PDE1A: variants seen among roughly 807,000 people sequenced by gnomAD.
The protein encoded by PDE1A is dual specificity calcium/calmodulin-dependent 3',5'-cyclic nucleotide phosphodiesterase 1A.
In PDE1A, 35 loss-of-function variants were observed where a neutral mutation model predicts 61.7. That is an observed-to-expected ratio of 0.57 (90% CI 0.43 to 0.75). PDE1A has a LOEUF of 0.75. PDE1A is among the 30% of genes least tolerant of loss of function. PDE1A has a pLI of 0.00. For synonymous variants in PDE1A, 232 were observed against 213.2 expected (o/e 1.09, Z -0.77); for missense variants, 597 against 630.6 (o/e 0.95, Z 0.57).
intron 2 of PDE1A, among the ~76,000 whole-genome samples, chr2:182,483,630 G>A (rs1265162951): frequency 6.6e-6 from 1 of 151,790 alleles, no homozygotes; most frequent in Non-Finnish European, 1.5e-5. Flanking sequence ...CAATGTATGA[G>A]ATATACCTAA....
chr2:182,424,030 C>T (rs957174771), intron 1 of PDE1A, among the ~76,000 whole-genome samples: 10 of 151,158 alleles, frequency 6.6e-5, no homozygotes, highest in African/African-American at 2.4e-4. Flanking sequence ...CTGCGACCTC[C>T]GCCTCCAGAG....
At chr2:182,686,552 G>T in the PDE1A span, among the ~76,000 whole-genome samples, 4 of 152,306 alleles carry the variant, frequency 2.6e-5, no homozygotes, top group East Asian at 7.7e-4. Flanking sequence ...TTGACAGGCG[G>T]TTCCAAGATG....
At chr2:182,205,946 T>C in exon 8 of PDE1A, 1 of 1,608,026 alleles carries the variant, frequency 6.2e-7, no homozygotes. Context: ...TCACCTCCAG[T>C]CATCTTTGGA....
chr2:182,497,692 C>T (rs1232613778), intron 2 of PDE1A, among the ~76,000 whole-genome samples: 1 of 152,060 alleles, frequency 6.6e-6, no homozygotes, highest in Non-Finnish European at 1.5e-5. Context: ...AAATACATAG[C>T]TCCAAAGAAA....
At chr2:182,274,213 A>G (rs1323919721) in intron 1 of PDE1A, among the ~76,000 whole-genome samples, 1 of 152,082 alleles carries the variant, frequency 6.6e-6, no homozygotes, top group Non-Finnish European at 1.5e-5. Flanking sequence ...GAACCTATGA[A>G]TTTTGGGGTG....
chr2:182,284,759 T>C (rs1283076638), intron 1 of PDE1A, among the ~76,000 whole-genome samples: 1 of 152,158 alleles, frequency 6.6e-6, no homozygotes, highest in Non-Finnish European at 1.5e-5. Flanking sequence ...GTCATCAATA[T>C]AGGATCATGT....
the PDE1A span, among the ~76,000 whole-genome samples, chr2:182,679,191 A>ATTTTTT: frequency 3.6e-5 from 5 of 138,226 alleles, no homozygotes; most frequent in African/African-American, 1.4e-4. Context: ...TATTATTATT[A>ATTTTTT]TTTTTTTTTT....
At chr2:182,438,682 G>C (rs1346680727) in intron 2 of PDE1A, among the ~76,000 whole-genome samples, 1 of 151,870 alleles carries the variant, frequency 6.6e-6, no homozygotes, top group Non-Finnish European at 1.5e-5. Context: ...ATTCAGGAAG[G>C]TATCCTGGCA....
chr2:182,499,714 A>T (rs1315429714), intron 2 of PDE1A, among the ~76,000 whole-genome samples: 1 of 152,180 alleles, frequency 6.6e-6, no homozygotes, highest in Non-Finnish European at 1.5e-5. Context: ...CTTATGTTTG[A>T]ACCAACTAAC....
At chr2:182,382,506 A>C (rs10197295) in intron 1 of PDE1A, among the ~76,000 whole-genome samples, 87,053 of 151,942 alleles carry the variant, frequency 0.57, 25,349 homozygotes, top group East Asian at 0.88. Context: ...AAGAGCCCAG[A>C]CTAGCTAACA....
At chr2:182,195,269 CAAAT>C (rs1686044474) in intron 10 of PDE1A, among the ~76,000 whole-genome samples, 1 of 152,048 alleles carries the variant, frequency 6.6e-6, no homozygotes, top group Non-Finnish European at 1.5e-5. Flanking sequence ...AGCAGGATAA[CAAAT>C]ACCACCAATT....
chr2:182,686,774 T>G, the PDE1A span, among the ~76,000 whole-genome samples: 1 of 152,206 alleles, frequency 6.6e-6, no homozygotes. Context: ...GAATTCCCTT[T>G]CATAGCCATG....
At chr2:182,413,810 G>T (rs562389966) in intron 1 of PDE1A, among the ~76,000 whole-genome samples, 2 of 152,238 alleles carry the variant, frequency 1.3e-5, no homozygotes, top group South Asian at 4.1e-4. Context: ...GTGTGTGTCT[G>T]TGTGTTTATG....
chr2:182,402,741 A>T (rs1702076721), intron 1 of PDE1A, among the ~76,000 whole-genome samples: 1 of 152,224 alleles, frequency 6.6e-6, no homozygotes, highest in Non-Finnish European at 1.5e-5. Flanking sequence ...TGAACAGGCA[A>T]CCTACAGAAT....
the PDE1A span, among the ~76,000 whole-genome samples, chr2:182,699,418 T>G: frequency 6.6e-6 from 1 of 152,238 alleles, no homozygotes; most frequent in Admixed American, 6.5e-5. Context: ...ATCAGCTCAC[T>G]GAAGAATAAA....
the PDE1A span, among the ~76,000 whole-genome samples, chr2:182,654,253 TGTG>T: frequency 6.6e-6 from 1 of 152,220 alleles, no homozygotes; most frequent in African/African-American, 2.4e-5. Context: ...TGGTTAAGTT[TGTG>T]GTAGTCCACC....
At chr2:182,631,845 A>G in the PDE1A span, among the ~76,000 whole-genome samples, 1 of 152,340 alleles carries the variant, frequency 6.6e-6, no homozygotes, top group African/African-American at 2.4e-5. Context: ...ACATCTTGCT[A>G]TTCTCAAACA....
At chr2:182,260,683 C>T (rs749413513) in intron 2 of PDE1A, among the ~76,000 whole-genome samples, 1 of 152,122 alleles carries the variant, frequency 6.6e-6, no homozygotes, top group Admixed American at 6.5e-5. Flanking sequence ...GATACTCCCA[C>T]GGTAGCCATT....
At chr2:182,492,990 A>T (rs2125888491) in intron 2 of PDE1A, among the ~76,000 whole-genome samples, 1 of 152,140 alleles carries the variant, frequency 6.6e-6, no homozygotes, top group East Asian at 1.9e-4. Flanking sequence ...GTGGCAAAAA[A>T]AAAAAGGGCA....
Sources: gnomAD v4.1 joint callset for allele counts (sites outside exome capture counted in the v4.1 genomes callset) on GRCh38, gnomAD v4.1.1 for gene constraint, MANE v1.5 for transcripts, NCBI Gene and HGNC (gene_info 2026-07-23, HGNC 2026-07-21) for gene names.